RBM19: variants seen among roughly 807,000 people sequenced by gnomAD.
The protein encoded by RBM19 is probable RNA-binding protein 19.
Under a neutral mutation model 116.8 loss-of-function variants are expected in RBM19, and 94 were observed. That is an observed-to-expected ratio of 0.80 (90% CI 0.68 to 0.95). RBM19 has a LOEUF of 0.95. Among genes scored for constraint, RBM19 ranks in the 40% least tolerant of loss-of-function variants. The pLI, the probability that RBM19 is intolerant of heterozygous loss-of-function variation, is 0.00. For synonymous variants in RBM19, 475 were observed against 494.1 expected, an observed-to-expected ratio of 0.96 and a Z score of 0.51; for missense variants, 1,161 against 1,220.7, an observed-to-expected ratio of 0.95 and a Z score of 0.73.
Position 113,823,156 on chromosome 12 carries a change from A to G in RBM19, c.*68T>C. ...CCGCCCCCCAGCCCACATGGTGGTG[A>G]GTGCAGAAGCTGGAGCGGCTGTCCC... On this transcript the variant is annotated 3_prime_UTR_variant, in exon 24 of 24. Transcript: ENST00000261741. 19 of 1,129,050 alleles carry G rather than the reference A, an allele frequency of 1.7e-5. No individual in the cohort carries two copies. The highest frequency in any genetic ancestry group is 2.5e-5 in the Non-Finnish European group (19 of 772,080). The allele number at this position is 1,129,050 out of a possible 1,614,324, so 69.9% of individuals were successfully genotyped here.
rs1274824641 is a variant in RBM19, at chr12:113,843,557, C to T, written c.2785+1111G>A. On this transcript the variant is annotated intron_variant, in intron 23 of 23. Transcript: ENST00000261741. ...GCTGGGTGAACCATCGCCAAGTAAG[C>T]GGGATCCAAAGTGGGTGGAAAGCCA... Among the ~76,000 whole-genome samples, 13 of 152,202 alleles carry T rather than the reference C, an allele frequency of 8.5e-5. 1 individual carries two copies. The highest frequency in any genetic ancestry group is 1.8e-4 in the Non-Finnish European group (12 of 68,032).
At chr12:113,849,026 T>G (rs967030121) in intron 22 of RBM19, among the ~76,000 whole-genome samples, 1 of 152,216 alleles carries the variant, frequency 6.6e-6, no homozygotes. Flanking sequence ...TGGCCAAGGT[T>G]TGTATGCAGG....
intron 21 of RBM19, among the ~76,000 whole-genome samples, chr12:113,883,827 A>T (rs943184168): frequency 6.6e-6 from 1 of 152,256 alleles, no homozygotes; most frequent in Non-Finnish European, 1.5e-5. Context: ...CTGCCTGAGA[A>T]GACAGCTATA....
intron 6 of RBM19, among the ~76,000 whole-genome samples, chr12:113,957,482 A>C (rs1872044496): frequency 6.6e-6 from 1 of 152,108 alleles, no homozygotes; most frequent in Admixed American, 6.6e-5. Context: ...CAGAAGAATC[A>C]CTTGAACCCA....
rs199857925 is a variant in RBM19 at position 113,958,004 on chromosome 12, C to T, written c.618G>A (p.Ser206=). The T allele has an allele frequency of 1.9e-5, 30 of 1,614,032 alleles. No individual in the cohort carries two copies. The highest frequency in any genetic ancestry group is 2.2e-5 in the East Asian group (1 of 44,884). The change falls in exon 6 of 24, where the codon TCG becomes TCA. Residue 206 remains serine, a synonymous_variant. Transcript: ENST00000261741. The part of the protein sequence containing the change: ...EPKAAVQKEL[S]DMDYLKSKMV... Reference sequence around the variant, plus strand: ...TCTTGGATTTCAGGTAATCCATGTCCGACAGCTCCTTCTGCACAGCTGCCT... The same window carrying T: ...TCTTGGATTTCAGGTAATCCATGTCTGACAGCTCCTTCTGCACAGCTGCCT...
intron 5 of RBM19, among the ~76,000 whole-genome samples, 173 bp downstream of exon 5, chr12:113,959,039 C>A (rs766137650): frequency 1.3e-5 from 2 of 152,230 alleles, no homozygotes; most frequent in South Asian, 4.1e-4. Context: ...TGACTGAATA[C>A]ACAACTAGGA....
At chr12:113,959,734 T>C in intron 4 of RBM19, 131 bp downstream of exon 4, 1 of 1,156,594 alleles carries the variant, frequency 8.6e-7, no homozygotes, top group Non-Finnish European at 1.3e-6. Flanking sequence ...TTCCCTTTCC[T>C]AGCCTCCACC....
intron 10 of RBM19, among the ~76,000 whole-genome samples, chr12:113,948,000 G>C (rs573531066): frequency 1.3e-5 from 2 of 152,332 alleles, no homozygotes; most frequent in South Asian, 4.1e-4. Context: ...CCTGTGTGAA[G>C]GATATGGTGA....
At chr12:113,965,125 T>C (rs961536585) in intron 1 of RBM19, among the ~76,000 whole-genome samples, 6 of 150,838 alleles carry the variant, frequency 4.0e-5, no homozygotes, top group Admixed American at 1.3e-4. Context: ...ATAAAAAAAT[T>C]AGTCGGGCTT....
At chr12:113,930,157 A>G (rs11066820) in intron 16 of RBM19, among the ~76,000 whole-genome samples, 10,871 of 152,258 alleles carry the variant, frequency 0.071, 1,282 homozygotes, top group African/African-American at 0.25. Context: ...GCTCATTGAA[A>G]CCTCAGTGCT....
At chr12:113,905,931 C>T (rs1322749872) in intron 21 of RBM19, among the ~76,000 whole-genome samples, 1 of 152,154 alleles carries the variant, frequency 6.6e-6, no homozygotes, top group African/African-American at 2.4e-5. Flanking sequence ...AGCCATTATC[C>T]ACCTACCAGA....
intron 22 of RBM19, among the ~76,000 whole-genome samples, chr12:113,848,713 C>G (rs1877190191): frequency 6.6e-6 from 1 of 152,118 alleles, no homozygotes; most frequent in Admixed American, 6.5e-5. Flanking sequence ...CTACACTTGA[C>G]CCCACTGAAA....
intron 22 of RBM19, among the ~76,000 whole-genome samples, chr12:113,846,163 C>T (rs1401894230): frequency 6.6e-6 from 1 of 152,184 alleles, no homozygotes; most frequent in African/African-American, 2.4e-5. Context: ...TGAGCATTGG[C>T]AGTGGAGAGC....
intron 16 of RBM19, among the ~76,000 whole-genome samples, chr12:113,936,284 G>C: frequency 6.6e-6 from 1 of 152,182 alleles, no homozygotes; most frequent in East Asian, 1.9e-4. Flanking sequence ...AATGACCATG[G>C]TCCTGTTGGT....
intron 13 of RBM19, among the ~76,000 whole-genome samples, chr12:113,943,019 C>G (rs1050617061): frequency 3.3e-5 from 5 of 152,202 alleles, no homozygotes; most frequent in African/African-American, 7.2e-5. Context: ...CCACCCCATG[C>G]TGAGCTCATC....
At chr12:113,904,860 AT>A (rs1881939288) in intron 21 of RBM19, among the ~76,000 whole-genome samples, 1 of 152,136 alleles carries the variant, frequency 6.6e-6, no homozygotes, top group African/African-American at 2.4e-5. Context: ...CCGTCCCCGA[AT>A]GTGGCCAATC....
chr12:113,914,700 A>T (rs577169585), intron 21 of RBM19, among the ~76,000 whole-genome samples: 1 of 152,346 alleles, frequency 6.6e-6, no homozygotes, highest in African/African-American at 2.4e-5. Flanking sequence ...CACGTTGTGG[A>T]TGGGGACAGG....
chr12:113,926,510 C>T (rs1869087251), intron 17 of RBM19, among the ~76,000 whole-genome samples: 1 of 152,172 alleles, frequency 6.6e-6, no homozygotes, highest in African/African-American at 2.4e-5. Context: ...GTTTCCTGAT[C>T]GCTGGTCCAC....
chr12:113,881,945 C>T (rs1380335581), intron 21 of RBM19, among the ~76,000 whole-genome samples: 1 of 152,258 alleles, frequency 6.6e-6, no homozygotes, highest in African/African-American at 2.4e-5. Context: ...CATGGGGGTG[C>T]ACACGCACCC....
Sources: gnomAD v4.1 joint callset for allele counts (sites outside exome capture counted in the v4.1 genomes callset) on GRCh38, gnomAD v4.1.1 for gene constraint, MANE v1.5 for transcripts, NCBI Gene and HGNC (gene_info 2026-07-23, HGNC 2026-07-21) for gene names.